The following HYLS1 variants were observed in gnomAD, a reference collection of about 807,000 sequenced individuals.
The protein encoded by HYLS1 is HYLS1 centriolar and ciliogenesis associated.
In HYLS1, 25 loss-of-function variants were observed where a neutral mutation model predicts 29.4. The observed-to-expected ratio is 0.85, with a 90% CI of 0.62 to 1.19. The LOEUF is 1.19. Among genes scored for constraint, HYLS1 ranks in the 50% most tolerant of loss-of-function variants. The pLI is 0.00. For missense variants in HYLS1, 352 were observed against 365.1 expected (o/e 0.96, Z 0.29); for synonymous variants, 128 against 126.7 (o/e 1.01, Z -0.07).
chr11:125,886,689 A>G (rs1301011710), upstream of HYLS1, among the ~76,000 whole-genome samples: 1 of 149,998 alleles, frequency 6.7e-6, no homozygotes, highest in African/African-American at 2.5e-5. Flanking sequence ...GTAATCCCAG[A>G]GCTTTGGGAG....
rs1944695435 is a variant in HYLS1, at chr11:125,899,551, A to G, written c.183A>G (p.Arg61=). The change falls in exon 3 of 3, where the codon CGA becomes CGG. Residue 61 remains arginine (R), a synonymous_variant. Transcript: ENST00000425380. ...AAGCTTCAGTAGCCCCAGGGAAGCG[A>G]CCTGCTCTTCCTGTGCAACTACAGT... The part of the protein sequence containing the change: ...YSKASVAPGK[R]PALPVQLQYP... The G allele has an allele frequency of 3.1e-6, 5 of 1,614,138 alleles. No individual in the cohort carries two copies. Among genetic ancestry groups the G allele is most frequent in the Middle Eastern group, 1.6e-4 (1 of 6,062 alleles).
intron 2 of HYLS1, chr11:125,895,113 C>T (rs895312111): frequency 7.9e-6 from 6 of 756,398 alleles, no homozygotes; most frequent in Middle Eastern, 7.9e-4. Context: ...GTGGTCCAAT[C>T]TCAGCTCAGT....
chr11:125,900,442 A>G lies in HYLS1; in HGVS notation c.*174A>G. 1 of 627,374 alleles carries G rather than the reference A, an allele frequency of 1.6e-6. No individual in the cohort carries two copies. Among genetic ancestry groups the G allele is most frequent in the South Asian group, 2.0e-5 (1 of 50,494 alleles). The allele number at this position is 627,374 out of a possible 1,614,324, so 38.9% of individuals were successfully genotyped here. On this transcript the variant is annotated 3_prime_UTR_variant, in exon 3 of 3. Transcript: ENST00000425380. ...CACATTGGTATCAGATGATACTTCC[A>G]AATTGCCACTCAAATCCAGCAATTG...
intron 2 of HYLS1, chr11:125,895,195 G>A: frequency 1.3e-6 from 2 of 1,518,768 alleles, no homozygotes; most frequent in African/African-American, 1.4e-5. Context: ...CTACAGGCAT[G>A]TGCCATTTAT....
At chr11:125,892,888 T>C (rs1395530650) in intron 2 of HYLS1, among the ~76,000 whole-genome samples, 1 of 152,230 alleles carries the variant, frequency 6.6e-6, no homozygotes, top group Non-Finnish European at 1.5e-5. Context: ...TGACCTGTGC[T>C]TACCTTTTTA....
At chr11:125,893,995 C>T (rs1447301378) in intron 2 of HYLS1, 1 of 1,614,034 alleles carries the variant, frequency 6.2e-7, no homozygotes, top group African/African-American at 1.3e-5. Context: ...CCATGAGGGG[C>T]TTATATGTGC....
intron 1 of HYLS1, 60 bp from the exon 2 acceptor site, chr11:125,891,363 T>G (rs1944403951): frequency 6.6e-6 from 1 of 152,102 alleles, no homozygotes; most frequent in Non-Finnish European, 1.5e-5. Flanking sequence ...GTTAGTGCAT[T>G]TTGTTCCATG....
At chr11:125,893,325 G>T (rs141975226) in intron 2 of HYLS1, among the ~76,000 whole-genome samples, 55 of 152,298 alleles carry the variant, frequency 3.6e-4, no homozygotes, top group Non-Finnish European at 7.8e-4. Flanking sequence ...GTAACTTTGT[G>T]CCTGGCATTA....
At chr11:125,891,833 T>C (rs1944415991) in intron 2 of HYLS1, among the ~76,000 whole-genome samples, 1 of 152,204 alleles carries the variant, frequency 6.6e-6, no homozygotes, top group South Asian at 2.1e-4. Flanking sequence ...CACCTCACCT[T>C]TTGTATGCTA....
At position 125,894,352 on chromosome 11, in the gene HYLS1, A is replaced by G. The variant is rs959504359; in HGVS notation, c.-26+2880A>G. The G allele has an allele frequency of 2.1e-5, 29 of 1,389,944 alleles. No homozygotes were observed. The Admixed American group carries it at 5.9e-4, about 28-fold the overall frequency. 86.1% of individuals were successfully genotyped at this position (1,389,944 alleles called of 1,614,324 possible). A position where few individuals can be genotyped will look rare whatever the true frequency, so the allele number is the denominator to read the frequency against. On this transcript the variant is annotated intron_variant, in intron 2 of 2. Transcript: ENST00000425380. ...TCCATCTAACAGTTCTTTAAAAACT[A>G]AGGGTTAGTTGCGTTAAGGGAGCCG...
chr11:125,899,584 T>G lies in HYLS1; in HGVS notation c.216T>G (p.His72Gln). The change falls in exon 3 of 3, where the codon CAT becomes CAG. Residue 72 changes from histidine (H) to glutamine (Q), a missense_variant. Coordinates refer to ENST00000425380, the MANE Select transcript of HYLS1 (RefSeq NM_001134793.2). Reference sequence around the variant, plus strand: ...TTCCTGTGCAACTACAGTACCCACATGTAGAAAGTAATGTCCCTTCAGAAA... The same window carrying G: ...TTCCTGTGCAACTACAGTACCCACAGGTAGAAAGTAATGTCCCTTCAGAAA... The part of the protein sequence containing the change: ...PALPVQLQYP[H>Q]VESNVPSETV... 6.2e-7 allele frequency: 1 copy of G among 1,614,078 alleles called. No homozygotes were observed. The highest frequency in any genetic ancestry group is 1.1e-5 in the South Asian group (1 of 91,072).
intron 2 of HYLS1, chr11:125,893,935 A>T (rs370085015): frequency 1.2e-6 from 2 of 1,614,102 alleles, no homozygotes; most frequent in Non-Finnish European, 1.7e-6. Context: ...TTCGTCCCCT[A>T]CGTACAAAAT....
intron 1 of HYLS1, among the ~76,000 whole-genome samples, chr11:125,890,885 G>T (rs1023153370): frequency 6.6e-6 from 1 of 151,910 alleles, no homozygotes; most frequent in Non-Finnish European, 1.5e-5. Context: ...CAGTTGAAAT[G>T]CAGAGGAAAT....
At chr11:125,896,101 G>A (rs767791531) in intron 2 of HYLS1, 9 of 1,614,128 alleles carry the variant, frequency 5.6e-6, no homozygotes, top group African/African-American at 1.3e-5. Context: ...ACGTGTCTTC[G>A]GCCATGAGCA....
At chr11:125,895,196 T>C (rs1372060125) in intron 2 of HYLS1, 3 of 1,520,604 alleles carry the variant, frequency 2.0e-6, no homozygotes, top group Non-Finnish European at 2.6e-6. Flanking sequence ...TACAGGCATG[T>C]GCCATTTATT....
chr11:125,894,416 C>T, intron 2 of HYLS1: 1 of 674,876 alleles, frequency 1.5e-6, no homozygotes, highest in South Asian at 1.9e-5. Context: ...TGCCTAATAG[C>T]TGAGAAAATA....
intron 1 of HYLS1, among the ~76,000 whole-genome samples, chr11:125,888,560 GGAGTTC>G (rs1944350670): frequency 6.6e-6 from 1 of 152,110 alleles, no homozygotes; most frequent in Non-Finnish European, 1.5e-5. Context: ...CGTGAGGTCA[GGAGTTC>G]GAGACCAGCC....
chr11:125,896,415 C>T, intron 2 of HYLS1: 6 of 928,258 alleles, frequency 6.5e-6, no homozygotes, highest in Non-Finnish European at 6.4e-6. Flanking sequence ...TAATTTAATG[C>T]CCAAAGAATA....
intron 2 of HYLS1, among the ~76,000 whole-genome samples, chr11:125,897,981 A>G (rs1944638530): frequency 6.6e-6 from 1 of 152,210 alleles, no homozygotes; most frequent in South Asian, 2.1e-4. Flanking sequence ...ATACATTCAT[A>G]CATTGGAATT....
Sources: gnomAD v4.1 joint callset for allele counts (sites outside exome capture counted in the v4.1 genomes callset) on GRCh38, gnomAD v4.1.1 for gene constraint, MANE v1.5 for transcripts, NCBI Gene and HGNC (gene_info 2026-07-23, HGNC 2026-07-21) for gene names.